The following FGG variants were observed in gnomAD, a reference collection of about 807,000 sequenced individuals.
FGG encodes fibrinogen gamma chain, also known as fibrinogen, gamma polypeptide.
A neutral mutation model predicts 51.7 loss-of-function variants in FGG; 20 were observed. The observed-to-expected ratio is 0.39, with a 90% CI of 0.27 to 0.56. The LOEUF is 0.56. Among genes scored for constraint, FGG ranks in the 20% least tolerant of loss-of-function variants. The pLI is 0.64. For synonymous variants in FGG, 184 were observed against 184.7 expected, an observed-to-expected ratio of 1.00 and a Z score of 0.03; for missense variants, 460 against 534.2, an observed-to-expected ratio of 0.86 and a Z score of 1.37.
intron 3 of FGG, 51 bp downstream of exon 3, chr4:154,611,965 AAC>A: frequency 6.2e-7 from 1 of 1,605,394 alleles, no homozygotes; most frequent in Non-Finnish European, 8.5e-7. Flanking sequence ...ACAGCAAAAG[AAC>A]TTCACAGATT....
rs771693348 is a variant in FGG at position 154,606,814 on chromosome 4, G to A, written c.1020C>T (p.Thr340=). The A allele has an allele frequency of 6.2e-7, 1 of 1,613,916 alleles. No homozygotes were observed. The highest frequency in any genetic ancestry group is 1.1e-5 in the South Asian group (1 of 91,074). ...CAAACTTATCATTGTCATTGTCCCA[G>A]GTACTGAACTGCATGCCATTATGGG... ...FTSHNGMQFS[T]WDNDNDKFEG... The change falls in exon 8 of 9, where the codon ACC becomes ACT. Residue 340 remains threonine (T), a synonymous_variant. Coordinates refer to ENST00000336098, the MANE Select transcript of FGG (RefSeq NM_021870.3).
Position 154,612,577 on chromosome 4 carries a change from A to G in FGG, c.33T>C (p.Ile11=). 6.2e-7 allele frequency: 1 copy of G among 1,613,952 alleles called. No individual in the cohort carries two copies. Among genetic ancestry groups the G allele is most frequent in the South Asian group, 1.1e-5 (1 of 91,078 alleles). ...GAAATAAAAGAGCATAGAAGTAGAGAATTAAATTCCGGGGGTGCAAGGACC... is the reference window on the plus strand; with the variant it reads ...GAAATAAAAGAGCATAGAAGTAGAGGATTAAATTCCGGGGGTGCAAGGACC... MSWSLHPRNL[I]LYFYALLFLS... Residue 11 remains isoleucine, a synonymous_variant, in exon 1 of 9, where the codon ATT becomes ATC. Coordinates refer to ENST00000336098, the MANE Select transcript of FGG (RefSeq NM_021870.3).
chr4:154,609,799 A>G (rs746728066), intron 5 of FGG, 36 bp from the exon 6 acceptor site: 1 of 1,613,928 alleles, frequency 6.2e-7, no homozygotes, highest in South Asian at 1.1e-5. Flanking sequence ...TGTGGTTTGA[A>G]ATGCAGGTAA....
intron 4 of FGG, among the ~76,000 whole-genome samples, chr4:154,610,607 C>A (rs573516858): frequency 5.9e-5 from 9 of 152,248 alleles, no homozygotes; most frequent in African/African-American, 1.9e-4. Context: ...AATAGGAACA[C>A]CCCCTGATGC....
chr4:154,611,050 A>G (rs1358886114), intron 4 of FGG, among the ~76,000 whole-genome samples: 2 of 152,118 alleles, frequency 1.3e-5, no homozygotes, highest in Non-Finnish European at 2.9e-5. Flanking sequence ...AATGCAAGTA[A>G]TAATAATAAC....
chr4:154,606,736 G>T lies in FGG; in HGVS notation c.1098C>A (p.His366Gln), dbSNP rs374166238. Residue 366 changes from histidine (H) to glutamine (Q), a missense_variant, in exon 8 of 9, where the codon CAC becomes CAA. This residue lies in a region of FGG where 15 missense variants were observed against 48.8 expected (regional missense o/e 0.31). Transcript: ENST00000336098. Reference protein sequence around the residue: ...DGSGWWMNKCHAGHLNGVYYQ... With the variant: ...DGSGWWMNKCQAGHLNGVYYQ... The stretch of plus-strand genomic sequence containing the variant: ...AATAAACTCCATTGAGATGGCCAGC[G>T]TGACACTTGTTCATCCACCAACCAG... 6.2e-7 allele frequency: 1 copy of T among 1,613,790 alleles called. No individual in the cohort carries two copies. Among genetic ancestry groups the T allele is most frequent in the African/African-American group, 1.3e-5 (1 of 74,886 alleles).
rs757023336 is a variant in FGG at position 154,611,990 on chromosome 4, T to A, written c.307+28A>T. 11 of 1,608,866 alleles carry A rather than the reference T, an allele frequency of 6.8e-6. No individual in the cohort carries two copies. The East Asian group carries it at 2.5e-4, about 36-fold the overall frequency. On this transcript the variant is annotated intron_variant, in intron 3 of 8. Coordinates refer to ENST00000336098, the MANE Select transcript of FGG (RefSeq NM_021870.3). ...AACTTCACAGATTATTATTATTATT[T>A]TTTGGTCAGTAGTCTTTATTTTCTC...
chr4:154,610,147 T>C lies in FGG; in HGVS notation c.452A>G (p.Lys151Arg). ...NSNNQKIVNL[K>R]EKVAQLEAQC... ...TGCTTCAAGCTGGGCTACCTTCTCT[T>C]TCAGGTTAACAATCTTTTGATTATT... is the stretch of plus-strand genomic sequence containing the variant. Residue 151 changes from lysine to arginine, a missense_variant, in exon 5 of 9, where the codon AAA becomes AGA. Coordinates refer to ENST00000336098, the MANE Select transcript of FGG (RefSeq NM_021870.3). 6.2e-7 allele frequency: 1 copy of C among 1,606,510 alleles called. No homozygotes were observed. The highest frequency in any genetic ancestry group is 1.7e-4 in the Middle Eastern group (1 of 6,048).
intron 8 of FGG, among the ~76,000 whole-genome samples, chr4:154,605,790 T>C (rs531308305): frequency 2.0e-5 from 3 of 152,070 alleles, no homozygotes; most frequent in Admixed American, 6.6e-5. Flanking sequence ...AGTTTCCTAG[T>C]TGGTGATTGG....
Position 154,608,603 on chromosome 4 carries a change from T to C in FGG, c.714A>G (p.Lys238=), listed in dbSNP as rs750144381. The C allele has an allele frequency of 6.2e-7, 1 of 1,613,622 alleles. No homozygotes were observed. Among genetic ancestry groups the C allele is most frequent in the African/African-American group, 1.3e-5 (1 of 75,014 alleles). The change falls in exon 7 of 9, where the codon AAA becomes AAG. Residue 238 remains lysine, a synonymous_variant. Coordinates refer to ENST00000336098, the MANE Select transcript of FGG (RefSeq NM_021870.3). ...TAGGAGACAGATGTCCAAATCCTTC[T>C]TTATATTGAATCCAGTTTTTCTTGA... ...VDFKKNWIQY[K]EGFGHLSPTG...
intron 4 of FGG, 37 bp downstream of exon 4, chr4:154,611,768 T>A: frequency 1.5e-6 from 2 of 1,345,558 alleles, no homozygotes; most frequent in South Asian, 2.5e-5. Context: ...AAAAACTAAA[T>A]CAGTCTTGCA....
intron 8 of FGG, among the ~76,000 whole-genome samples, chr4:154,606,008 G>A (rs956419468): frequency 1.3e-5 from 2 of 152,106 alleles, no homozygotes; most frequent in Admixed American, 1.3e-4. Context: ...AGTCTGTTGA[G>A]TGGGATTATC....
chr4:154,605,142 T>G, intron 8 of FGG, 76 bp from the exon 9 acceptor site: 1 of 1,504,002 alleles, frequency 6.6e-7, no homozygotes, highest in South Asian at 1.1e-5. Context: ...GAGCTGTCTA[T>G]TACGAAGTGC....
In FGG at chr4:154,608,491, G is replaced by A; in HGVS notation, c.826C>T (p.Leu276=). ...SAIPYALRVE[L]EDWNGRTSTA... Reference sequence around the variant, plus strand: ...CTGGTTCTGCCATTCCAGTCTTCCAGTTCCACTCTTAATGCATATGGGATG... The same window carrying A: ...CTGGTTCTGCCATTCCAGTCTTCCAATTCCACTCTTAATGCATATGGGATG... The change falls in exon 7 of 9, where the codon CTG becomes TTG. Residue 276 remains leucine, a synonymous_variant. Transcript: ENST00000336098. 5.0e-6 allele frequency: 8 copies of A among 1,613,570 alleles called. No individual in the cohort carries two copies. Among genetic ancestry groups the A allele is most frequent in the Non-Finnish European group, 6.8e-6 (8 of 1,179,752 alleles).
In FGG at chr4:154,604,869, C is replaced by G. The variant is rs750796417; in HGVS notation, c.1327G>C (p.Glu443Gln). 2 of 1,614,050 alleles carry G rather than the reference C, an allele frequency of 1.2e-6. No homozygotes were observed. Among genetic ancestry groups the G allele is most frequent in the Non-Finnish European group, 1.7e-6 (2 of 1,179,958 alleles). Residue 443 changes from glutamate to glutamine, a missense_variant, in exon 9 of 9, where the codon GAA becomes CAA. Coordinates refer to ENST00000336098, the MANE Select transcript of FGG (RefSeq NM_021870.3). ...QVRPEHPAETEYDSLYPEDDL is the reference protein window; with the variant it reads ...QVRPEHPAETQYDSLYPEDDL ...TCCTCAGGGTAAAGTGAGTCATATT[C>G]TGTTTCCGCAGGGTGCTCTGGTCTG...
In FGG at chr4:154,607,056, T is replaced by C. The variant is rs190145976; in HGVS notation, c.852-74A>G. 5.4e-4 allele frequency: 803 copies of C among 1,489,824 alleles called. 4 individuals are homozygous for C. The highest frequency in any genetic ancestry group is 2.1e-3 in the East Asian group (92 of 43,812). The allele number at this position is 1,489,824 out of a possible 1,614,324, so 92.3% of individuals were successfully genotyped here. ...CTCAGAAGTTCCCTCTTTCGTAGGA[T>C]GCTTCCTTGGAATTTTTGACTTTGT... On this transcript the variant is annotated intron_variant, in intron 7 of 8. Coordinates refer to ENST00000336098, the MANE Select transcript of FGG (RefSeq NM_021870.3).
At chr4:154,608,182 T>A (rs775687549) in intron 7 of FGG, among the ~76,000 whole-genome samples, 17 of 152,226 alleles carry the variant, frequency 1.1e-4, no homozygotes, top group Non-Finnish European at 2.2e-4. Flanking sequence ...GATAAAATTA[T>A]AATTTTATGC....
Position 154,612,329 on chromosome 4 carries a change from A to G in FGG, c.123+62T>C, listed in dbSNP as rs534320877. 26 of 1,591,268 alleles carry G rather than the reference A, an allele frequency of 1.6e-5. 1 individual carries two copies. The South Asian group carries it at 2.4e-4, about 15-fold the overall frequency. ...GCCAGATGATATTTATGAGGGAATT[A>G]TTTCTATTCCTCTGCCCCTCTCCAG... On this transcript the variant is annotated intron_variant, in intron 2 of 8. Transcript: ENST00000336098.
intron 5 of FGG, 23 bp from the exon 6 acceptor site, chr4:154,609,786 T>C: frequency 6.2e-7 from 1 of 1,614,006 alleles, no homozygotes; most frequent in South Asian, 1.1e-5. Flanking sequence ...AATCGACTTT[T>C]ACTGTGGTTT....
Sources: gnomAD v4.1 joint callset for allele counts (sites outside exome capture counted in the v4.1 genomes callset) on GRCh38, gnomAD v4.1.1 for gene constraint, gnomAD v4.1.1 regional missense constraint, MANE v1.5 for transcripts, NCBI Gene and HGNC (gene_info 2026-07-23, HGNC 2026-07-21) for gene names.